The following HTR2C variants were observed in gnomAD, a reference collection of about 807,000 sequenced individuals.
HTR2C encodes 5-hydroxytryptamine receptor 2C.
A neutral mutation model predicts 21.0 loss-of-function variants in HTR2C; 5 were observed. That is an observed-to-expected ratio of 0.24 (90% CI 0.12 to 0.50). HTR2C has a LOEUF of 0.50. Among genes scored for constraint, HTR2C ranks in the 20% least tolerant of loss-of-function variants. The probability of loss-of-function intolerance (pLI) is 0.98; values close to 1 mark genes in which losing one functional copy is unlikely to be tolerated. For missense variants in HTR2C, 271 were observed against 371.2 expected (o/e 0.73, Z 2.22); for synonymous variants, 150 against 145.3 (o/e 1.03, Z -0.23).
chrX:114,839,331 T>C (rs1482557342), intron 4 of HTR2C, among the ~76,000 whole-genome samples: 6 of 112,171 alleles, frequency 5.3e-5, no homozygotes, highest in Admixed American at 2.8e-4. Context: ...TCAAGACTTA[T>C]AGCTTAAGAG....
chrX:114,891,329 C>G (rs1181676933), intron 5 of HTR2C, among the ~76,000 whole-genome samples: 1 of 110,701 alleles, frequency 9.0e-6, no homozygotes, highest in African/African-American at 3.3e-5. Flanking sequence ...TTCCCACTTT[C>G]TGTTTCTTTG....
At chrX:114,613,735 A>G (rs782441883) in intron 1 of HTR2C, 80 bp from the exon 2 acceptor site, 8 of 111,857 alleles carry the variant, frequency 7.2e-5, no homozygotes, top group African/African-American at 2.6e-4. Flanking sequence ...GCCATTCATT[A>G]TATGTGAATG....
At chrX:114,639,464 C>T (rs377648254) in intron 2 of HTR2C, 7 of 113,013 alleles carry the variant, frequency 6.2e-5, no homozygotes, top group African/African-American at 2.3e-4. Flanking sequence ...CACTTGTCCT[C>T]CTCCATGCTT....
intron 5 of HTR2C, among the ~76,000 whole-genome samples, chrX:114,866,471 C>G (rs1413661328): frequency 9.0e-6 from 1 of 110,503 alleles, no homozygotes; most frequent in Non-Finnish European, 1.9e-5. Context: ...GGATATCTGT[C>G]TTCTCAAGCA....
At chrX:114,739,371 C>T (rs1248229908) in intron 4 of HTR2C, among the ~76,000 whole-genome samples, 3 of 111,582 alleles carry the variant, frequency 2.7e-5, no homozygotes, top group African/African-American at 9.8e-5. Flanking sequence ...GTGTATCTCA[C>T]ACTTCATAAG....
chrX:114,739,879 G>T (rs1556425066), intron 4 of HTR2C, among the ~76,000 whole-genome samples: 1 of 110,868 alleles, frequency 9.0e-6, no homozygotes. Flanking sequence ...GCTGAGGCAG[G>T]TGGATCACTT....
At chrX:114,784,862 G>A (rs1044636891) in intron 4 of HTR2C, among the ~76,000 whole-genome samples, 95 of 110,417 alleles carry the variant, frequency 8.6e-4, no homozygotes, top group Non-Finnish European at 1.5e-3. Flanking sequence ...CTCGTGATCC[G>A]CCCGCCTCGG....
At chrX:114,716,673 A>G (rs1556419835) in intron 2 of HTR2C, among the ~76,000 whole-genome samples, 1 of 112,005 alleles carries the variant, frequency 8.9e-6, no homozygotes, top group Admixed American at 9.6e-5. Flanking sequence ...TGATTTGACT[A>G]TAATTAGCAA....
chrX:114,647,572 T>C (rs1556407785), intron 2 of HTR2C, among the ~76,000 whole-genome samples: 1 of 112,218 alleles, frequency 8.9e-6, no homozygotes, highest in Admixed American at 9.5e-5. Context: ...TGGCAGGTGT[T>C]AGGAACCCAA....
chrX:114,702,398 C>T (rs1329737531), intron 2 of HTR2C, among the ~76,000 whole-genome samples: 1 of 109,795 alleles, frequency 9.1e-6, no homozygotes, highest in African/African-American at 3.3e-5. Context: ...AGAGTGGGGG[C>T]CAATATTCAA....
At chrX:114,814,415 C>A (rs2070562726) in intron 4 of HTR2C, among the ~76,000 whole-genome samples, 1 of 109,996 alleles carries the variant, frequency 9.1e-6, no homozygotes, top group Non-Finnish European at 1.9e-5. Flanking sequence ...ATCATAAGGA[C>A]TTTCCTGTGA....
chrX:114,738,878 C>T (rs911427702), intron 4 of HTR2C, among the ~76,000 whole-genome samples: 3 of 110,224 alleles, frequency 2.7e-5, no homozygotes, highest in African/African-American at 9.9e-5. Context: ...TATGTTGGCT[C>T]AATATAGGGA....
intron 2 of HTR2C, among the ~76,000 whole-genome samples, chrX:114,657,927 C>T (rs1930844712): frequency 9.1e-6 from 1 of 110,495 alleles, no homozygotes; most frequent in South Asian, 3.8e-4. Context: ...GTTTGGGAGG[C>T]AGTCAGTCAT....
At chrX:114,868,333 T>C (rs897704776) in intron 5 of HTR2C, among the ~76,000 whole-genome samples, 12 of 111,419 alleles carry the variant, frequency 1.1e-4, no homozygotes, top group Admixed American at 7.7e-4. Flanking sequence ...CCTTGCCTTC[T>C]TCTCCTCTCC....
intron 4 of HTR2C, among the ~76,000 whole-genome samples, chrX:114,795,564 G>A (rs1286367714): frequency 9.0e-6 from 1 of 111,643 alleles, no homozygotes; most frequent in African/African-American, 3.3e-5. Flanking sequence ...AAGGGATCCA[G>A]TTTCAGCTTT....
intron 4 of HTR2C, among the ~76,000 whole-genome samples, chrX:114,767,943 T>G (rs1385675540): frequency 9.1e-6 from 1 of 109,519 alleles, no homozygotes; most frequent in African/African-American, 3.3e-5. Context: ...GCAACTGGAG[T>G]AAAAAATAAA....
chrX:114,882,318 C>T lies in HTR2C; in HGVS notation c.551-24271C>T, dbSNP rs1442680742. ...AAAGATAGTTTTAAATTCTTCCTTT[C>T]CAATCTAGATGCATTTTCTTTTTGT... On this transcript the variant is annotated intron_variant, in intron 5 of 5. Coordinates refer to ENST00000276198, the MANE Select transcript of HTR2C (RefSeq NM_000868.4). Among the ~76,000 whole-genome samples, 4 of 110,430 alleles carry T rather than the reference C, an allele frequency of 3.6e-5. No individual in the cohort carries two copies. In the East Asian group the frequency reaches 1.1e-3, roughly 31 times the overall value.
chrX:114,815,386 G>A (rs1282455899), intron 4 of HTR2C, among the ~76,000 whole-genome samples: 1 of 111,558 alleles, frequency 9.0e-6, no homozygotes, highest in Non-Finnish European at 1.9e-5. Flanking sequence ...AACAGAGTAT[G>A]TAAACGTGGT....
At chrX:114,715,341 C>T (rs1279747896) in intron 2 of HTR2C, 1 of 382,660 alleles carries the variant, frequency 2.6e-6, no homozygotes, top group Non-Finnish European at 5.2e-6. Context: ...CTTTTCATGA[C>T]TCAGCTGGAA....
Sources: allele counts gnomAD v4.1 joint callset (sites outside exome capture counted in the v4.1 genomes callset), GRCh38; gene constraint gnomAD v4.1.1; transcripts MANE v1.5; gene names NCBI Gene and HGNC (gene_info 2026-07-23, HGNC 2026-07-21).